SPATS2L: variants seen among roughly 807,000 people sequenced by gnomAD.
SPATS2L encodes the protein spermatogenesis associated serine rich 2 like, also known as SPATS2-like protein.
SPATS2L carries 30 observed loss-of-function variants against 59.6 expected under a neutral mutation model. The observed-to-expected ratio is 0.50, with a 90% confidence interval of 0.38 to 0.68. SPATS2L has a LOEUF of 0.68. SPATS2L is among the 30% of genes least tolerant of loss of function. SPATS2L has a pLI of 0.00. For synonymous variants in SPATS2L, 252 were observed against 263.5 expected (o/e 0.96, Z 0.42); for missense variants, 615 against 700.0 (o/e 0.88, Z 1.37).
intron 9 of SPATS2L, among the ~76,000 whole-genome samples, chr2:200,460,611 C>T (rs1286921572): frequency 1.3e-5 from 2 of 151,356 alleles, no homozygotes; most frequent in African/African-American, 2.4e-5. Flanking sequence ...ATTAGCCGGG[C>T]GTAGTGGTGG....
rs972463443 is a variant in SPATS2L at position 200,419,530 on chromosome 2, G to A, written c.445+34G>A. ...TGCTTAAGTAAAATTGCTTAGGAAG[G>A]CATAGATGAAAAGAGCACAAAGGGA... is the stretch of plus-strand genomic sequence containing the variant. On this transcript the variant is annotated intron_variant, in intron 6 of 12. Coordinates refer to ENST00000409140, the MANE Select transcript of SPATS2L (RefSeq NM_001100423.2). The A allele has an allele frequency of 2.5e-6, 4 of 1,609,320 alleles. No individual in the cohort carries two copies. The African/African-American group carries it at 4.0e-5, about 16-fold the overall frequency.
intron 3 of SPATS2L, chr2:200,389,550 G>T: frequency 2.7e-6 from 1 of 366,310 alleles, no homozygotes; most frequent in Non-Finnish European, 5.0e-6. Context: ...TTACAGAGGT[G>T]GAAATTGAGA....
rs2085722281 is a variant in SPATS2L at position 200,454,790 on chromosome 2, T to A, written c.789-4979T>A. Reference sequence around the variant, plus strand: ...GGAACTCTGTTTATGTAGAACACGTTTGACGTGCCTGGTGCCCTCCAGAGG... The same window carrying A: ...GGAACTCTGTTTATGTAGAACACGTATGACGTGCCTGGTGCCCTCCAGAGG... On this transcript the variant is annotated intron_variant, in intron 8 of 12. Coordinates refer to ENST00000409140, the MANE Select transcript of SPATS2L (RefSeq NM_001100423.2). Among the ~76,000 whole-genome samples the A allele has an allele frequency of 2.0e-5, 3 of 152,188 alleles. No individual in the cohort carries two copies. In the South Asian group the frequency reaches 6.2e-4, roughly 32 times the overall value.
chr2:200,453,968 G>C (rs1257925532), intron 8 of SPATS2L, among the ~76,000 whole-genome samples: 1 of 152,038 alleles, frequency 6.6e-6, no homozygotes, highest in Non-Finnish European at 1.5e-5. Context: ...TCTACTGCAT[G>C]CGCCTCCTGC....
chr2:200,423,725 G>A (rs1311097174), intron 6 of SPATS2L, among the ~76,000 whole-genome samples: 1 of 152,186 alleles, frequency 6.6e-6, no homozygotes. Flanking sequence ...CTACTATAGT[G>A]GAGCATTTAT....
intron 8 of SPATS2L, among the ~76,000 whole-genome samples, chr2:200,452,830 C>G (rs1266938981): frequency 6.6e-6 from 1 of 151,878 alleles, no homozygotes; most frequent in African/African-American, 2.4e-5. Flanking sequence ...ATATGTTTAC[C>G]AAATAACACT....
intron 3 of SPATS2L, chr2:200,390,299 C>G (rs1302308549): frequency 6.6e-6 from 1 of 152,216 alleles, no homozygotes; most frequent in Non-Finnish European, 1.5e-5. Flanking sequence ...TGGCCCTGAA[C>G]ATGTAGATGA....
intron 2 of SPATS2L, among the ~76,000 whole-genome samples, chr2:200,362,516 C>T (rs1429101783): frequency 6.6e-6 from 1 of 152,170 alleles, no homozygotes; most frequent in Non-Finnish European, 1.5e-5. Context: ...AAGTGGGAAG[C>T]ACACCCTTTC....
intron 2 of SPATS2L, among the ~76,000 whole-genome samples, chr2:200,330,749 T>G (rs896349123): frequency 1.3e-5 from 2 of 152,242 alleles, no homozygotes; most frequent in East Asian, 3.8e-4. Context: ...GATGTACCAA[T>G]TGAAAACAAT....
intron 3 of SPATS2L, among the ~76,000 whole-genome samples, chr2:200,400,857 C>T (rs1281087758): frequency 6.6e-6 from 1 of 152,008 alleles, no homozygotes; most frequent in Non-Finnish European, 1.5e-5. Flanking sequence ...AAAGTATAGA[C>T]GAAGAATTGG....
At chr2:200,363,410 C>T (rs753729688) in intron 2 of SPATS2L, among the ~76,000 whole-genome samples, 6 of 152,188 alleles carry the variant, frequency 3.9e-5, no homozygotes, top group African/African-American at 1.2e-4. Context: ...TCAGCTGTAG[C>T]CCTGGTTTTC....
At chr2:200,364,148 G>T (rs1274078040) in intron 2 of SPATS2L, among the ~76,000 whole-genome samples, 3 of 152,098 alleles carry the variant, frequency 2.0e-5, no homozygotes, top group Non-Finnish European at 4.4e-5. Context: ...AATCTAGAAA[G>T]GGCAAGGAAA....
intron 6 of SPATS2L, among the ~76,000 whole-genome samples, chr2:200,420,853 T>C (rs542671778): frequency 6.6e-6 from 1 of 152,146 alleles, no homozygotes; most frequent in Non-Finnish European, 1.5e-5. Flanking sequence ...TTCCCAGGAT[T>C]GCAAGTCATC....
rs2087794026 is a variant in SPATS2L, at chr2:200,482,186, G to C, written c.*4155G>C. On this transcript the variant is annotated 3_prime_UTR_variant, in exon 13 of 13. Coordinates refer to ENST00000409140, the MANE Select transcript of SPATS2L (RefSeq NM_001100423.2). ...TGTTACTTAGCTAAGAATTTGAAAT[G>C]TAATTTAAATACTATTCTTTACAAT... The C allele has an allele frequency of 6.6e-6, 1 of 152,186 alleles. No individual in the cohort carries two copies. The highest frequency in any genetic ancestry group is 2.4e-5 in the African/African-American group (1 of 41,430). 9.4% of individuals were successfully genotyped at this position (152,186 alleles called of 1,614,324 possible).
At chr2:200,383,402 CT>C (rs1237253497) in intron 2 of SPATS2L, among the ~76,000 whole-genome samples, 1 of 152,084 alleles carries the variant, frequency 6.6e-6, no homozygotes, top group Non-Finnish European at 1.5e-5. Context: ...GCTTATATTC[CT>C]TTTTTTGTAC....
chr2:200,396,035 T>TAA (rs1185063403), intron 3 of SPATS2L, among the ~76,000 whole-genome samples: 2,064 of 19,332 alleles, frequency 0.11, 65 homozygotes, highest in Non-Finnish European at 0.16. Context: ...AAAAAAAAAA[T>TAA]ATATATATAT....
intron 5 of SPATS2L, among the ~76,000 whole-genome samples, chr2:200,416,725 A>G (rs1334090269): frequency 6.6e-6 from 1 of 152,222 alleles, no homozygotes; most frequent in African/African-American, 2.4e-5. Flanking sequence ...AAGGATTCAA[A>G]ACATTAACTT....
chr2:200,411,271 G>T (rs1404786069), intron 3 of SPATS2L, among the ~76,000 whole-genome samples: 1 of 152,068 alleles, frequency 6.6e-6, no homozygotes, highest in Non-Finnish European at 1.5e-5. Context: ...ACATAATCAG[G>T]AAATAGGCCA....
At chr2:200,473,098 ACCTGTTTCCAGAGG>A in intron 12 of SPATS2L, 46 bp downstream of exon 12, 1 of 1,453,664 alleles carries the variant, frequency 6.9e-7, no homozygotes, top group Non-Finnish European at 9.3e-7. Flanking sequence ...AAAAAAAAAA[ACCTGTTTCCAGAGG>A]AAGAAAACAG....
Sources: allele counts gnomAD v4.1 joint callset (sites outside exome capture counted in the v4.1 genomes callset), GRCh38; gene constraint gnomAD v4.1.1; transcripts MANE v1.5; gene names NCBI Gene and HGNC (gene_info 2026-07-23, HGNC 2026-07-21).